FAM135B: variants seen among roughly 807,000 people sequenced by gnomAD.
FAM135B encodes the protein family with sequence similarity 135 member B.
In FAM135B, 43 loss-of-function variants were observed where a neutral mutation model predicts 127.7. That is an observed-to-expected ratio of 0.34 (90% CI 0.26 to 0.43). FAM135B has a LOEUF of 0.43. Among genes scored for constraint, FAM135B ranks in the 20% least tolerant of loss-of-function variants. The probability of loss-of-function intolerance (pLI) is 1.00; values close to 1 mark genes in which losing one functional copy is unlikely to be tolerated. For synonymous variants in FAM135B, 670 were observed against 665.1 expected, an observed-to-expected ratio of 1.01 and a Z score of -0.11; for missense variants, 1,558 against 1,725.6, an observed-to-expected ratio of 0.90 and a Z score of 1.72.
intron 2 of FAM135B, among the ~76,000 whole-genome samples, chr8:138,323,718 A>G (rs1163271513): frequency 1.3e-5 from 2 of 151,940 alleles, no homozygotes; most frequent in African/African-American, 2.4e-5. Context: ...TGATTGCAGG[A>G]CCCTCCTGGG....
chr8:138,152,838 C>T lies in FAM135B; in HGVS notation c.1637G>A (p.Gly546Glu), dbSNP rs763143168. The T allele has an allele frequency of 1.2e-6, 2 of 1,614,194 alleles. No homozygotes were observed. The highest frequency in any genetic ancestry group is 3.3e-5 in the Admixed American group (2 of 60,026). ...AATGTAGGTCAGCACTGGGGCCTGT[C>T]CATCCTCTGGACCTGGACTCCTTCT... is the stretch of plus-strand genomic sequence containing the variant. Reference protein sequence around the residue: ...TSRRSPGPEDGQAPVLTYIDV... With the variant: ...TSRRSPGPEDEQAPVLTYIDV... The change falls in exon 13 of 20, where the codon GGA (glycine) becomes GAA (glutamate). Residue 546 changes from glycine to glutamate, a missense_variant. Transcript: ENST00000395297.
chr8:138,280,197 C>A (rs564876613), intron 3 of FAM135B, among the ~76,000 whole-genome samples: 1 of 152,256 alleles, frequency 6.6e-6, no homozygotes, highest in Non-Finnish European at 1.5e-5. Flanking sequence ...AAGGGGCTCT[C>A]TTGACTCCTT....
chr8:138,354,170 C>A (rs756639772), intron 2 of FAM135B, among the ~76,000 whole-genome samples: 15 of 152,046 alleles, frequency 9.9e-5, no homozygotes, highest in Non-Finnish European at 1.8e-4. Flanking sequence ...GTTACACATA[C>A]AATCAAGCAA....
rs199787210 is a variant in FAM135B at position 138,250,914 on chromosome 8, C to T, written c.469G>A (p.Asp157Asn). 6.1e-5 allele frequency: 99 copies of T among 1,613,788 alleles called. No homozygotes were observed. Among genetic ancestry groups the T allele is most frequent in the Non-Finnish European group, 7.5e-5 (89 of 1,179,986 alleles). The change falls in exon 6 of 20, where the codon GAC (aspartate) becomes AAC (asparagine). Residue 157 changes from aspartate (D) to asparagine (N), a missense_variant. Physicochemically the swap from Asp to Asn is conservative, Grantham distance 23. This residue lies in a region of FAM135B where 199 missense variants were observed against 245.7 expected (regional missense o/e 0.81). Coordinates refer to ENST00000395297, the MANE Select transcript of FAM135B (RefSeq NM_015912.4). ...GAGATCACAGACAGGTGGAAATAGT[C>T]GAACATGACCGGGACCTGGTGGTGC... Reference protein sequence around the residue: ...GLHHQVPVMFDYFHLSVISVT... With the variant: ...GLHHQVPVMFNYFHLSVISVT...
rs527258472 is a variant in FAM135B, at chr8:138,295,102, C to CTT, written c.157+15737_157+15738dup. On this transcript the variant is annotated intron_variant, in intron 3 of 19. Transcript: ENST00000395297. ...AATGTCAATACCACCCTTGCTGGTG[C>CTT]TTTTTTTTTTTTTTTTTTTTTTTTT... is the stretch of plus-strand genomic sequence containing the variant. Among the ~76,000 whole-genome samples the CTT allele has an allele frequency of 2.3e-4, 19 of 82,216 alleles. 1 individual carries two copies. In the East Asian group the frequency reaches 4.6e-3, roughly 20 times the overall value. 53.9% of individuals were successfully genotyped at this position (82,216 alleles called of 152,430 possible).
At position 138,141,134 on chromosome 8, in the gene FAM135B, C is replaced by T. The variant is rs1325677694; in HGVS notation, c.3790+64G>A. The T allele has an allele frequency of 7.8e-6, 12 of 1,534,434 alleles. No individual in the cohort carries two copies. The highest frequency in any genetic ancestry group is 4.5e-5 in the East Asian group (2 of 44,250). ...GGTTCCAAGTGGAAGTACCTGTGCC[C>T]GGTTTCACGCCCCAGAGGCCCCAGA... is the stretch of plus-strand genomic sequence containing the variant. On this transcript the variant is annotated intron_variant, in intron 17 of 19. Coordinates refer to ENST00000395297, the MANE Select transcript of FAM135B (RefSeq NM_015912.4). The surrounding 1 kb of genome is among the most constrained non-coding windows in gnomAD (Gnocchi z 4.7).
chr8:138,363,796 G>A (rs1830580606), intron 2 of FAM135B, among the ~76,000 whole-genome samples: 1 of 152,124 alleles, frequency 6.6e-6, no homozygotes, highest in South Asian at 2.1e-4. Flanking sequence ...AACTGGAGGG[G>A]AGGTTTCTTT....
chr8:138,388,941 A>T (rs985541139), intron 1 of FAM135B, among the ~76,000 whole-genome samples: 9 of 151,716 alleles, frequency 5.9e-5, no homozygotes, highest in African/African-American at 2.2e-4. Flanking sequence ...TATTTGTTTT[A>T]TATATATATA....
At chr8:138,180,643 G>A (rs997067605) in intron 9 of FAM135B, among the ~76,000 whole-genome samples, 4 of 152,194 alleles carry the variant, frequency 2.6e-5, no homozygotes, top group African/African-American at 7.2e-5. Flanking sequence ...GTAAGAAAGA[G>A]GGAAGGAGGA....
chr8:138,286,103 T>A (rs1824663588), intron 3 of FAM135B, among the ~76,000 whole-genome samples: 1 of 152,134 alleles, frequency 6.6e-6, no homozygotes, highest in Non-Finnish European at 1.5e-5. Context: ...TCTAGTGCCA[T>A]GAATGTTAAA....
intron 3 of FAM135B, among the ~76,000 whole-genome samples, chr8:138,282,448 C>T (rs1182490375): frequency 5.3e-5 from 8 of 152,148 alleles, no homozygotes; most frequent in Non-Finnish European, 1.2e-4. Flanking sequence ...GGAATGTTAT[C>T]TACAGTATAT....
rs944793013 is a variant in FAM135B at position 138,256,717 on chromosome 8, C to T, written c.340G>A (p.Asp114Asn). The T allele has an allele frequency of 6.2e-7, 1 of 1,613,912 alleles. No individual in the cohort carries two copies. The highest frequency in any genetic ancestry group is 1.3e-5 in the African/African-American group (1 of 74,928). The change falls in exon 5 of 20, where the codon GAT becomes AAT. Residue 114 changes from aspartate (D) to asparagine (N), a missense_variant. Asp to Asn is a conservative substitution (Grantham distance 23). This residue lies in a region of FAM135B where 199 missense variants were observed against 245.7 expected (regional missense o/e 0.81). Coordinates refer to ENST00000395297, the MANE Select transcript of FAM135B (RefSeq NM_015912.4). Reference protein sequence around the residue: ...LSEVDFQLKVDLHFTDSEQQL... With the variant: ...LSEVDFQLKVNLHFTDSEQQL... ...TGTTCACTGTCCGTAAAGTGCAGAT[C>T]CACCTTGAGTTGAAAATCTACTTCA...
chr8:138,198,833 T>C (rs1816871289), intron 7 of FAM135B, among the ~76,000 whole-genome samples: 1 of 152,048 alleles, frequency 6.6e-6, no homozygotes, highest in Admixed American at 6.6e-5. Flanking sequence ...AAGAGATTTG[T>C]TCTTAGAGCA....
At chr8:138,178,155 G>A (rs1365319883) in intron 10 of FAM135B, among the ~76,000 whole-genome samples, 1 of 152,014 alleles carries the variant, frequency 6.6e-6, no homozygotes, top group Non-Finnish European at 1.5e-5. Context: ...GGCTGAGGCA[G>A]GGGAATTGCT....
At chr8:138,421,316 A>G (rs1834495770) in intron 1 of FAM135B, among the ~76,000 whole-genome samples, 1 of 152,178 alleles carries the variant, frequency 6.6e-6, no homozygotes. Flanking sequence ...CTGTCAAAAA[A>G]AAATATATAT....
At chr8:138,146,208 C>A (rs367718074) in intron 14 of FAM135B, among the ~76,000 whole-genome samples, 158 bp from the exon 15 acceptor site, 1 of 152,120 alleles carries the variant, frequency 6.6e-6, no homozygotes, top group African/African-American at 2.4e-5. Context: ...CAGCTAGAAA[C>A]CCCGGCTCTC....
chr8:138,132,414 T>C lies in FAM135B; in HGVS notation c.*179A>G. The C allele has an allele frequency of 1.7e-6, 1 of 598,642 alleles. No individual in the cohort carries two copies. The highest frequency in any genetic ancestry group is 3.0e-6 in the Non-Finnish European group (1 of 336,916). The allele number at this position is 598,642 out of a possible 1,614,324, so 37.1% of individuals were successfully genotyped here. A position where few individuals can be genotyped will look rare whatever the true frequency, so the allele number is the denominator to read the frequency against. Reference sequence around the variant, plus strand: ...AAAGTTTGTTGTCATTTAGTCTATTTGCTCAGCTTTCTCGAATCTCCAAAA... The same window carrying C: ...AAAGTTTGTTGTCATTTAGTCTATTCGCTCAGCTTTCTCGAATCTCCAAAA... On this transcript the variant is annotated 3_prime_UTR_variant, in exon 20 of 20. Transcript: ENST00000395297. This position sits in a 1 kb window ranked among gnomAD's most constrained non-coding sequence, Gnocchi z 4.5.
chr8:138,439,199 C>A (rs890641208), intron 1 of FAM135B: 1 of 152,126 alleles, frequency 6.6e-6, no homozygotes, highest in African/African-American at 2.4e-5. Context: ...TGAGGAGGCT[C>A]CAGTACAAAG....
Position 138,141,460 on chromosome 8 carries a change from G to C in FAM135B, c.3639-111C>G, listed in dbSNP as rs1817140798. On this transcript the variant is annotated intron_variant, in intron 16 of 19. Transcript: ENST00000395297. This position sits in a 1 kb window ranked among gnomAD's most constrained non-coding sequence, Gnocchi z 4.7. ...TGTTCTCCACCTCCCACTGAATGTAGGGGAACTGGCAAAGAGAACAGGGAC... is the reference window on the plus strand; with the variant it reads ...TGTTCTCCACCTCCCACTGAATGTACGGGAACTGGCAAAGAGAACAGGGAC... The C allele has an allele frequency of 9.0e-7, 1 of 1,112,258 alleles. No individual in the cohort carries two copies. The highest frequency in any genetic ancestry group is 2.0e-5 in the Admixed American group (1 of 51,120). The allele number at this position is 1,112,258 out of a possible 1,614,324, so 68.9% of individuals were successfully genotyped here. A position where few individuals can be genotyped will look rare whatever the true frequency, so the allele number is the denominator to read the frequency against.
Sources: allele counts gnomAD v4.1 joint callset (sites outside exome capture counted in the v4.1 genomes callset), GRCh38; gene constraint gnomAD v4.1.1; regional missense constraint gnomAD v4.1.1; non-coding constraint Gnocchi (gnomAD v3.1); transcripts MANE v1.5; gene names NCBI Gene and HGNC (gene_info 2026-07-23, HGNC 2026-07-21).